SHB: variants seen among roughly 807,000 people sequenced by gnomAD.
The protein encoded by SHB is SH2 domain-containing adapter protein B.
In SHB, 20 loss-of-function variants were observed where a neutral mutation model predicts 52.3. The observed-to-expected ratio is 0.38, with a 90% CI of 0.27 to 0.56. The LOEUF is 0.56. Ranked by LOEUF, SHB falls within the 20% of genes least tolerant of loss-of-function variation. The probability of loss-of-function intolerance (pLI) is 0.71; values close to 1 mark genes in which losing one functional copy is unlikely to be tolerated. For missense variants in SHB, 825 were observed against 723.3 expected (o/e 1.14, Z -1.61); for synonymous variants, 397 against 316.5 (o/e 1.25, Z -2.70).
intron 1 of SHB, among the ~76,000 whole-genome samples, chr9:38,051,944 T>A (rs917935389): frequency 6.6e-6 from 1 of 152,194 alleles, no homozygotes; most frequent in African/African-American, 2.4e-5. Flanking sequence ...TTCGAAGAGC[T>A]TCTCCCTGCA....
chr9:38,046,471 C>T (rs1030020667), intron 1 of SHB, among the ~76,000 whole-genome samples: 2 of 139,320 alleles, frequency 1.4e-5, no homozygotes, highest in African/African-American at 5.0e-5. Flanking sequence ...ATGCTCGAAG[C>T]CCCCCCGGGT....
intron 1 of SHB, among the ~76,000 whole-genome samples, chr9:38,041,823 C>T (rs937878917): frequency 3.3e-5 from 5 of 152,170 alleles, no homozygotes; most frequent in Non-Finnish European, 7.3e-5. Flanking sequence ...AGGAGAGGTA[C>T]AGTGCAAGCC....
chr9:38,016,034 T>C lies in SHB; in HGVS notation c.815A>G (p.Tyr272Cys), dbSNP rs1041686052. The C allele has an allele frequency of 7.4e-6, 12 of 1,614,020 alleles. No individual in the cohort carries two copies. The Admixed American group carries it at 8.3e-5, about 11-fold the overall frequency. ...ACCTGTCATGATCCTCTGTGCCTCATAGGGCTCCATGTAGCCAGCACTCTC... is the reference window on the plus strand; with the variant it reads ...ACCTGTCATGATCCTCTGTGCCTCACAGGGCTCCATGTAGCCAGCACTCTC... ...KGESAGYMEP[Y>C]EAQRIMTEFQ... Residue 272 changes from tyrosine to cysteine, a missense_variant, in exon 2 of 6, where the codon TAT (tyrosine) becomes TGT (cysteine). Coordinates refer to ENST00000377707, the MANE Select transcript of SHB (RefSeq NM_003028.3).
intron 2 of SHB, among the ~76,000 whole-genome samples, chr9:38,004,371 G>A (rs548428850): frequency 1.8e-4 from 28 of 152,302 alleles, no homozygotes; most frequent in Middle Eastern, 6.8e-3. Context: ...TGAGCTGCTG[G>A]GGGCTGCGTG....
intron 5 of SHB, among the ~76,000 whole-genome samples, chr9:37,926,396 G>A (rs1832251248): frequency 1.3e-5 from 2 of 152,160 alleles, no homozygotes; most frequent in Admixed American, 1.3e-4. Context: ...TAGAAGATTC[G>A]AGAAGCACAG....
At chr9:37,933,866 C>T (rs1297158374) in intron 5 of SHB, among the ~76,000 whole-genome samples, 4 of 152,226 alleles carry the variant, frequency 2.6e-5, no homozygotes, top group African/African-American at 9.6e-5. Context: ...GCTCCGAGCT[C>T]TAGCTCCTGC....
At chr9:37,940,053 G>A (rs562006366) in intron 5 of SHB, among the ~76,000 whole-genome samples, 1 of 152,294 alleles carries the variant, frequency 6.6e-6, no homozygotes, top group South Asian at 2.1e-4. Context: ...CAGAAAGGAA[G>A]GGTGCAAATC....
chr9:37,916,349 T>C lies in SHB; in HGVS notation c.*3472A>G, dbSNP rs899251933. ...GCAGGGCTTCTACCTGCACAGTCCC[T>C]AGGGCTGCAAGAGCAAATGGGGACC... On this transcript the variant is annotated 3_prime_UTR_variant, in exon 6 of 6. Coordinates refer to ENST00000377707, the MANE Select transcript of SHB (RefSeq NM_003028.3). 6.6e-6 allele frequency among the ~76,000 whole-genome samples: 1 copy of C among 152,220 alleles called. No homozygotes were observed. The highest frequency in any genetic ancestry group is 2.4e-5 in the African/African-American group (1 of 41,466).
intron 1 of SHB, among the ~76,000 whole-genome samples, chr9:38,055,952 G>A (rs1332993770): frequency 6.6e-6 from 1 of 152,188 alleles, no homozygotes; most frequent in Non-Finnish European, 1.5e-5. Flanking sequence ...TTGGCATTCT[G>A]CTGTGGTGGG....
intron 4 of SHB, 113 bp downstream of exon 4, chr9:37,955,770 G>A (rs1832623173): frequency 2.9e-6 from 3 of 1,041,564 alleles, no homozygotes; most frequent in Non-Finnish European, 4.2e-6. Flanking sequence ...TTACAGGTGT[G>A]AGCCACCACG....
chr9:38,013,955 T>A (rs1274355922), intron 2 of SHB, among the ~76,000 whole-genome samples: 1 of 152,192 alleles, frequency 6.6e-6, no homozygotes, highest in South Asian at 2.1e-4. Flanking sequence ...TGAGGCTTAA[T>A]GAGGGTATAT....
At chr9:37,958,327 C>T (rs1832658458) in intron 3 of SHB, among the ~76,000 whole-genome samples, 1 of 152,178 alleles carries the variant, frequency 6.6e-6, no homozygotes, top group South Asian at 2.1e-4. Context: ...CGGGTGACCA[C>T]AGGCTGAAGT....
At chr9:37,960,150 T>G (rs1390812072) in intron 3 of SHB, among the ~76,000 whole-genome samples, 2 of 152,216 alleles carry the variant, frequency 1.3e-5, no homozygotes, top group African/African-American at 4.8e-5. Context: ...ACAGGCTTAA[T>G]TAGGCAAATC....
intron 3 of SHB, among the ~76,000 whole-genome samples, chr9:37,958,815 G>A (rs144475646): frequency 9.2e-5 from 14 of 152,290 alleles, no homozygotes; most frequent in East Asian, 1.9e-4. Flanking sequence ...GCTGAATGAC[G>A]GCACCCTGAT....
chr9:38,027,913 G>T lies in SHB; in HGVS notation c.718-11782C>A, dbSNP rs569818792. Among the ~76,000 whole-genome samples, 327 of 151,864 alleles carry T rather than the reference G, an allele frequency of 2.2e-3. 2 individuals carry two copies. The highest frequency in any genetic ancestry group is 1.2e-3 in the East Asian group (6 of 5,122). On this transcript the variant is annotated intron_variant, in intron 1 of 5. Coordinates refer to ENST00000377707, the MANE Select transcript of SHB (RefSeq NM_003028.3). ...AGGGGGTGCCTCCTGGAGAGGGATG[G>T]AGCTGAGCCAAGAGGTCTCTTCTGG...
intron 5 of SHB, among the ~76,000 whole-genome samples, chr9:37,926,594 C>T (rs1832253696): frequency 6.6e-6 from 1 of 152,228 alleles, no homozygotes; most frequent in Non-Finnish European, 1.5e-5. Context: ...TGAATCTTCA[C>T]AGAGCCAGAG....
At position 37,955,946 on chromosome 9, in the gene SHB, C is replaced by T; in HGVS notation, c.1163G>A (p.Ser388Asn). The T allele has an allele frequency of 2.5e-6, 4 of 1,613,212 alleles. No homozygotes were observed. The highest frequency in any genetic ancestry group is 3.4e-6 in the Non-Finnish European group (4 of 1,179,770). The change falls in exon 4 of 6, where the codon AGC (serine) becomes AAC (asparagine). Residue 388 changes from serine (S) to asparagine (N), a missense_variant. By Grantham distance (46) the Ser-to-Asn change is conservative. Transcript: ENST00000377707. ...TCCTAGGATCCCGCAGAACTCAGGGCTCCCATGTTTGATAGGCTTAAAGCC... is the reference window on the plus strand; with the variant it reads ...TCCTAGGATCCCGCAGAACTCAGGGTTCCCATGTTTGATAGGCTTAAAGCC... ...GGGFKPIKHG[S>N]PEFCGILGER...
intron 1 of SHB, among the ~76,000 whole-genome samples, chr9:38,057,934 T>C (rs1167887632): frequency 6.6e-6 from 1 of 152,236 alleles, no homozygotes; most frequent in Non-Finnish European, 1.5e-5. Flanking sequence ...ATCGCTGCAC[T>C]GTCTCCACCG....
At chr9:37,948,551 G>A (rs1052679180) in intron 5 of SHB, 84 bp downstream of exon 5, 15 of 1,543,210 alleles carry the variant, frequency 9.7e-6, no homozygotes, top group African/African-American at 9.5e-5. Flanking sequence ...GGACACTGGC[G>A]GGTTTTTCTG....
Sources: gnomAD v4.1 joint callset for allele counts (sites outside exome capture counted in the v4.1 genomes callset) on GRCh38, gnomAD v4.1.1 for gene constraint, MANE v1.5 for transcripts, NCBI Gene and HGNC (gene_info 2026-07-23, HGNC 2026-07-21) for gene names.